ATXN1: variants seen among roughly 807,000 people sequenced by gnomAD.
The protein encoded by ATXN1 is ataxin-1.
ATXN1 carries 8 observed loss-of-function variants against 56.4 expected under a neutral mutation model. The ratio of observed to expected loss-of-function variants is 0.14; its 90% CI spans 0.08 to 0.26. ATXN1 has a LOEUF of 0.26. Ranked by LOEUF, ATXN1 falls within the 10% of genes least tolerant of loss-of-function variation. ATXN1 has a pLI of 1.00. For missense variants in ATXN1, 987 were observed against 1,106.5 expected, an observed-to-expected ratio of 0.89 and a Z score of 1.53; for synonymous variants, 514 against 494.6, an observed-to-expected ratio of 1.04 and a Z score of -0.52.
At chr6:16,744,435 T>C (rs1404090427) in intron 2 of ATXN1, among the ~76,000 whole-genome samples, 1 of 151,970 alleles carries the variant, frequency 6.6e-6, no homozygotes, top group Admixed American at 6.6e-5. Context: ...TGGCCAGGCC[T>C]GAGATTCCTG....
intron 6 of ATXN1, among the ~76,000 whole-genome samples, chr6:16,368,811 C>T (rs1761981943): frequency 6.6e-6 from 1 of 152,162 alleles, no homozygotes; most frequent in Non-Finnish European, 1.5e-5. Context: ...CATAAATCTA[C>T]AAAACTATAT....
intron 3 of ATXN1, among the ~76,000 whole-genome samples, chr6:16,590,850 T>A (rs1438076831): frequency 1.3e-5 from 2 of 151,778 alleles, no homozygotes. Context: ...TTTAATTTTT[T>A]TTTTTTTTTG....
intron 4 of ATXN1, among the ~76,000 whole-genome samples, chr6:16,580,440 T>C (rs1158313040): frequency 1.3e-5 from 2 of 152,222 alleles, no homozygotes; most frequent in South Asian, 2.1e-4. Context: ...TTGAGTAGTA[T>C]GGTTTGCCAA....
rs1194491834 is a variant in ATXN1 at position 16,301,078 on chromosome 6, T to G, written c.*5251A>C. The G allele has an allele frequency of 8.1e-6, 1 of 123,438 alleles. No homozygotes were observed. The highest frequency in any genetic ancestry group is 8.3e-5 in the Admixed American group (1 of 11,996). The allele number at this position is 123,438 out of a possible 1,614,324, so 7.6% of individuals were successfully genotyped here. ...CAAAAAAACATGTAACTTTCAACCCTTCTCTGCTTTTTTTTTTTTACAAAC... is the reference window on the plus strand; with the variant it reads ...CAAAAAAACATGTAACTTTCAACCCGTCTCTGCTTTTTTTTTTTTACAAAC... On this transcript the variant is annotated 3_prime_UTR_variant, in exon 8 of 8. Coordinates refer to ENST00000436367, the MANE Select transcript of ATXN1 (RefSeq NM_001128164.2).
intron 3 of ATXN1, among the ~76,000 whole-genome samples, chr6:16,655,174 C>T (rs1006938449): frequency 2.0e-5 from 3 of 152,114 alleles, no homozygotes; most frequent in African/African-American, 7.2e-5. Flanking sequence ...GTCAGATCCC[C>T]TAAAGAAAAA....
At chr6:16,427,451 T>C (rs1759181249) in intron 6 of ATXN1, among the ~76,000 whole-genome samples, 1 of 152,190 alleles carries the variant, frequency 6.6e-6, no homozygotes, top group Non-Finnish European at 1.5e-5. Flanking sequence ...AGTGGAAAAC[T>C]ACTCTCTTAT....
intron 6 of ATXN1, among the ~76,000 whole-genome samples, chr6:16,419,463 T>C (rs955965768): frequency 3.3e-5 from 5 of 151,780 alleles, no homozygotes; most frequent in African/African-American, 1.2e-4. Flanking sequence ...TTTATAAATA[T>C]TTTTATAATA....
intron 4 of ATXN1, among the ~76,000 whole-genome samples, chr6:16,575,246 G>A (rs563192813): frequency 3.3e-5 from 5 of 152,160 alleles, no homozygotes; most frequent in East Asian, 3.9e-4. Flanking sequence ...ACTTTTGCCC[G>A]CTCATTCTAA....
intron 2 of ATXN1, among the ~76,000 whole-genome samples, chr6:16,743,877 C>G (rs1055490008): frequency 3.3e-5 from 5 of 151,964 alleles, no homozygotes; most frequent in African/African-American, 1.2e-4. Flanking sequence ...CGACGTGGGA[C>G]GAATACAGGG....
At chr6:16,331,121 C>G (rs1348404306) in intron 6 of ATXN1, among the ~76,000 whole-genome samples, 1 of 152,166 alleles carries the variant, frequency 6.6e-6, no homozygotes, top group East Asian at 1.9e-4. Context: ...CTGCCTCAGC[C>G]TCCTGAGTAG....
chr6:16,499,798 T>C (rs1760848713), intron 5 of ATXN1, among the ~76,000 whole-genome samples: 1 of 152,228 alleles, frequency 6.6e-6, no homozygotes, highest in South Asian at 2.1e-4. Context: ...GTGTAGGTTG[T>C]AGAATTCTGG....
At chr6:16,413,215 C>A (rs1758837486) in intron 6 of ATXN1, among the ~76,000 whole-genome samples, 3 of 152,140 alleles carry the variant, frequency 2.0e-5, no homozygotes, top group African/African-American at 7.2e-5. Context: ...AACTGAAACT[C>A]AAAAGAACTT....
intron 6 of ATXN1, among the ~76,000 whole-genome samples, chr6:16,362,075 T>A (rs1342479540): frequency 6.6e-6 from 1 of 152,210 alleles, no homozygotes; most frequent in Non-Finnish European, 1.5e-5. Flanking sequence ...CCCTGCTGTG[T>A]CTTGTCATAA....
At chr6:16,579,260 A>C (rs1441962870) in intron 4 of ATXN1, among the ~76,000 whole-genome samples, 1 of 152,188 alleles carries the variant, frequency 6.6e-6, no homozygotes, top group Admixed American at 6.5e-5. Context: ...TGGAAGACAC[A>C]CACCAAAAAA....
Position 16,306,991 on chromosome 6 carries a change from T to C in ATXN1, c.1918-132A>G. 2 of 1,097,338 alleles carry C rather than the reference T, an allele frequency of 1.8e-6. No individual in the cohort carries two copies. Among genetic ancestry groups the C allele is most frequent in the East Asian group, 2.6e-5 (1 of 38,664 alleles). 68.0% of individuals were successfully genotyped at this position (1,097,338 alleles called of 1,614,324 possible). Reference sequence around the variant, plus strand: ...CACACACAGGCTGAATGGGGGAAAATGACTCAGTTTGCAAACCTCCCTCTC... The same window carrying C: ...CACACACAGGCTGAATGGGGGAAAACGACTCAGTTTGCAAACCTCCCTCTC... On this transcript the variant is annotated intron_variant, in intron 7 of 7. Transcript: ENST00000436367. This position sits in a 1 kb window ranked among gnomAD's most constrained non-coding sequence, Gnocchi z 5.2.
intron 2 of ATXN1, among the ~76,000 whole-genome samples, chr6:16,714,385 C>T (rs910487160): frequency 1.4e-4 from 22 of 152,242 alleles, no homozygotes; most frequent in Admixed American, 1.2e-3. Flanking sequence ...CTTTGTAGAA[C>T]AGCTACCCAA....
At chr6:16,500,946 T>A (rs1283711542) in intron 5 of ATXN1, among the ~76,000 whole-genome samples, 2 of 152,226 alleles carry the variant, frequency 1.3e-5, no homozygotes, top group South Asian at 2.1e-4. Flanking sequence ...TGTCTGCCAA[T>A]GCATGGGGCA....
At chr6:16,482,526 G>A (rs1314201494) in intron 6 of ATXN1, among the ~76,000 whole-genome samples, 1 of 152,152 alleles carries the variant, frequency 6.6e-6, no homozygotes, top group African/African-American at 2.4e-5. Flanking sequence ...CCTACTTAAG[G>A]AAGCAGAGAA....
intron 6 of ATXN1, among the ~76,000 whole-genome samples, chr6:16,405,489 T>C (rs6903987): frequency 0.017 from 2,538 of 152,342 alleles, 73 homozygotes; most frequent in African/African-American, 0.058. Flanking sequence ...ATCTGTGCTA[T>C]AATTCAAAAT....
Sources: gnomAD v4.1 joint callset for allele counts (sites outside exome capture counted in the v4.1 genomes callset) on GRCh38, gnomAD v4.1.1 for gene constraint, Gnocchi (gnomAD v3.1) non-coding constraint, MANE v1.5 for transcripts, NCBI Gene and HGNC (gene_info 2026-07-23, HGNC 2026-07-21) for gene names.